PPARD: variants seen among roughly 807,000 people sequenced by gnomAD.
PPARD encodes the protein peroxisome proliferator-activated receptor delta.
In PPARD, 6 loss-of-function variants were observed where a neutral mutation model predicts 39.5. The ratio of observed to expected loss-of-function variants is 0.15; its 90% confidence interval spans 0.08 to 0.30. The LOEUF (loss-of-function observed/expected upper bound fraction) is 0.30. Ranked by LOEUF, PPARD falls within the 10% of genes least tolerant of loss-of-function variation. The pLI is 1.00. For missense variants in PPARD, 397 were observed against 596.8 expected, an observed-to-expected ratio of 0.67 and a Z score of 3.49; for synonymous variants, 210 against 231.3, an observed-to-expected ratio of 0.91 and a Z score of 0.83.
intron 2 of PPARD, among the ~76,000 whole-genome samples, chr6:35,410,708 G>A (rs1427347917): frequency 6.6e-6 from 1 of 152,240 alleles, no homozygotes; most frequent in African/African-American, 2.4e-5. Context: ...CAGCAGAGGA[G>A]GCAGGGAAGG....
intron 2 of PPARD, among the ~76,000 whole-genome samples, chr6:35,375,096 A>G (rs970093342): frequency 3.3e-5 from 5 of 152,042 alleles, no homozygotes; most frequent in Non-Finnish European, 7.4e-5. Flanking sequence ...AAATCTGACA[A>G]TCTGTCTTAA....
At chr6:35,406,750 C>T (rs1765078089) in intron 2 of PPARD, among the ~76,000 whole-genome samples, 1 of 152,148 alleles carries the variant, frequency 6.6e-6, no homozygotes, top group Non-Finnish European at 1.5e-5. Flanking sequence ...ACTTACACCT[C>T]CCGAAACTGA....
intron 2 of PPARD, among the ~76,000 whole-genome samples, chr6:35,383,609 A>C (rs1344007684): frequency 1.6e-5 from 2 of 121,370 alleles, no homozygotes; most frequent in African/African-American, 5.3e-5. Flanking sequence ...GGCCGCCATC[A>C]CATCTAGGAA....
rs369825175 is a variant in PPARD, at chr6:35,415,778, C to CTGTG, written c.131-4327_131-4324dup. 5.7e-3 allele frequency among the ~76,000 whole-genome samples: 819 copies of CTGTG among 143,848 alleles called. 8 individuals are homozygous for CTGTG. Among genetic ancestry groups the CTGTG allele is most frequent in the African/African-American group, 0.013 (478 of 36,004 alleles). The allele number at this position is 143,848 out of a possible 152,430, so 94.4% of individuals were successfully genotyped here. On this transcript the variant is annotated intron_variant, in intron 3 of 7. Transcript: ENST00000360694. ...TCAGGGTTCTCCAGAGAAGGAGAACCTGTGTGTGTGTGTGTGTGTGTGTGT... is the reference window on the plus strand; with the variant it reads ...TCAGGGTTCTCCAGAGAAGGAGAACCTGTGTGTGTGTGTGTGTGTGTGTGTGTGT...
chr6:35,360,183 C>G (rs947999835), intron 2 of PPARD, among the ~76,000 whole-genome samples: 1 of 152,066 alleles, frequency 6.6e-6, no homozygotes, highest in African/African-American at 2.4e-5. Flanking sequence ...GTGAGCAGCC[C>G]CTAGAACCAC....
chr6:35,416,171 C>G (rs904422405), intron 3 of PPARD, among the ~76,000 whole-genome samples: 4 of 151,930 alleles, frequency 2.6e-5, no homozygotes, highest in Admixed American at 2.0e-4. Flanking sequence ...CACCTGAGGT[C>G]AGGAATTCAA....
chr6:35,396,397 G>C (rs1764317120), intron 2 of PPARD, among the ~76,000 whole-genome samples: 1 of 150,694 alleles, frequency 6.6e-6, no homozygotes, highest in South Asian at 2.1e-4. Flanking sequence ...GTAGAGACAG[G>C]GTGTCACCGT....
rs200148132 is a variant in PPARD, at chr6:35,426,401, C to A, written c.*322C>A. 9 of 413,630 alleles carry A rather than the reference C, an allele frequency of 2.2e-5. No individual in the cohort carries two copies. The highest frequency in any genetic ancestry group is 1.2e-4 in the Admixed American group (3 of 24,176). 25.6% of individuals were successfully genotyped at this position (413,630 alleles called of 1,614,324 possible). On this transcript the variant is annotated 3_prime_UTR_variant, in exon 8 of 8. Transcript: ENST00000360694. ...GCCCTCCCTTTCTCTCTCCACCCCC[C>A]ACGTCTGTCCTCCTTTCTTATTCTG...
intron 2 of PPARD, among the ~76,000 whole-genome samples, chr6:35,385,975 G>A (rs115128769): frequency 0.023 from 3,452 of 152,214 alleles, 54 homozygotes; most frequent in Non-Finnish European, 0.035. Context: ...AAGCAGCAGA[G>A]TGCAAAGCCC....
At chr6:35,395,099 G>C (rs1361031339) in intron 2 of PPARD, among the ~76,000 whole-genome samples, 2 of 152,206 alleles carry the variant, frequency 1.3e-5, no homozygotes, top group Non-Finnish European at 2.9e-5. Context: ...GGACAGAGAG[G>C]GGGGTGCCAG....
intron 2 of PPARD, among the ~76,000 whole-genome samples, chr6:35,379,060 C>T (rs901307561): frequency 6.6e-6 from 1 of 151,548 alleles, no homozygotes; most frequent in African/African-American, 2.4e-5. Context: ...CAGAGGTGGG[C>T]ACAGGGTTAG....
At chr6:35,404,550 C>T (rs1046175260) in intron 2 of PPARD, among the ~76,000 whole-genome samples, 5 of 152,206 alleles carry the variant, frequency 3.3e-5, no homozygotes, top group South Asian at 4.1e-4. Context: ...GTTCCCACAC[C>T]GTACAGCCTG....
Position 35,420,242 on chromosome 6 carries a change from G to A in PPARD, c.246G>A (p.Ser82=), listed in dbSNP as rs200573171. 9.4e-6 allele frequency: 15 copies of A among 1,604,200 alleles called. No individual in the cohort carries two copies. The highest frequency in any genetic ancestry group is 3.4e-5 in the South Asian group (3 of 89,086). ...GCCGGGTGTGCGGGGACAAGGCATC[G>A]GGCTTCCACTACGGTGTTCATGCAT... is the stretch of plus-strand genomic sequence containing the variant. ...MECRVCGDKA[S]GFHYGVHACE... is the part of the protein sequence containing the mutation. Residue 82 remains serine, a synonymous_variant, in exon 4 of 8, where the codon TCG becomes TCA. Transcript: ENST00000360694.
At chr6:35,358,028 C>G (rs1761720334) in intron 2 of PPARD, among the ~76,000 whole-genome samples, 3 of 152,090 alleles carry the variant, frequency 2.0e-5, no homozygotes, top group Non-Finnish European at 4.4e-5. Flanking sequence ...CTTTATAACC[C>G]CTGTAACCTG....
At chr6:35,362,446 C>CTT (rs34916659) in intron 2 of PPARD, among the ~76,000 whole-genome samples, 7,779 of 144,796 alleles carry the variant, frequency 0.054, 507 homozygotes, top group African/African-American at 0.15. Context: ...CCACTCCTGC[C>CTT]TTTTTTTTTT....
At chr6:35,350,593 G>T (rs1019947474) in intron 2 of PPARD, among the ~76,000 whole-genome samples, 24 of 140,568 alleles carry the variant, frequency 1.7e-4, no homozygotes, top group Non-Finnish European at 3.2e-4. Context: ...TCTCTATTCT[G>T]TTCCATTGGT....
chr6:35,421,882 G>A lies in PPARD; in HGVS notation c.348G>A (p.Lys116=). The A allele has an allele frequency of 6.2e-7, 1 of 1,614,078 alleles. No homozygotes were observed. The highest frequency in any genetic ancestry group is 8.5e-7 in the Non-Finnish European group (1 of 1,179,988). Reference sequence around the variant, plus strand: ...ACGAGAAGTGTGAGCGCAGCTGCAAGATTCAGAAGAAGAACCGCAACAAGT... The same window carrying A: ...ACGAGAAGTGTGAGCGCAGCTGCAAAATTCAGAAGAAGAACCGCAACAAGT... ...LEYEKCERSC[K]IQKKNRNKCQ... The change falls in exon 5 of 8, where the codon AAG becomes AAA. Residue 116 remains lysine, a synonymous_variant. Transcript: ENST00000360694.
chr6:35,380,353 G>T lies in PPARD; in HGVS notation c.-101-30634G>T, dbSNP rs182549518. The stretch of plus-strand genomic sequence containing the variant: ...CACAGTGAGATAGAAGAAGACAGAA[G>T]AATGATGTCTCACCTCCCTTCTAAG... On this transcript the variant is annotated intron_variant, in intron 2 of 7. Coordinates refer to ENST00000360694, the MANE Select transcript of PPARD (RefSeq NM_006238.5). Among the ~76,000 whole-genome samples the T allele has an allele frequency of 1.6e-3, 241 of 151,562 alleles. 2 individuals are homozygous for T. The highest frequency in any genetic ancestry group is 4.1e-3 in the Admixed American group (63 of 15,210).
At chr6:35,422,072 C>T in intron 5 of PPARD, 114 bp downstream of exon 5, 1 of 1,266,054 alleles carries the variant, frequency 7.9e-7, no homozygotes. Flanking sequence ...GTGCCTGGCG[C>T]ACAGTAAGCA....
Sources: allele counts gnomAD v4.1 joint callset (sites outside exome capture counted in the v4.1 genomes callset), GRCh38; gene constraint gnomAD v4.1.1; transcripts MANE v1.5; gene names NCBI Gene and HGNC (gene_info 2026-07-23, HGNC 2026-07-21).